Variants in RTN4IP1 observed in about 807,000 individuals in gnomAD.
The protein encoded by RTN4IP1 is NAD(P)H oxidoreductase RTN4IP1, mitochondrial.
RTN4IP1 carries 32 observed loss-of-function variants against 46.6 expected under a neutral mutation model. The ratio of observed to expected loss-of-function variants is 0.69; its 90% CI spans 0.52 to 0.92. The LOEUF (loss-of-function observed/expected upper bound fraction) is 0.92. RTN4IP1 is among the 40% of genes least tolerant of loss of function. RTN4IP1 has a pLI of 0.00. For missense variants in RTN4IP1, 424 were observed against 485.8 expected, an observed-to-expected ratio of 0.87 and a Z score of 1.20; for synonymous variants, 167 against 161.8, an observed-to-expected ratio of 1.03 and a Z score of -0.24.
At chr6:106,623,275 G>C (rs972200076) in intron 1 of RTN4IP1, among the ~76,000 whole-genome samples, 6 of 152,182 alleles carry the variant, frequency 3.9e-5, no homozygotes, top group Admixed American at 3.3e-4. Flanking sequence ...GATGGAACTG[G>C]GGGCCATTAT....
At chr6:106,585,142 A>G (rs1775453430) in intron 7 of RTN4IP1, among the ~76,000 whole-genome samples, 1 of 152,214 alleles carries the variant, frequency 6.6e-6, no homozygotes, top group African/African-American at 2.4e-5. Context: ...CTGTCATGGC[A>G]TGAAAGATGT....
At chr6:106,572,126 C>T (rs762069866) in intron 8 of RTN4IP1, 23 bp from the exon 9 acceptor site, 21 of 1,564,490 alleles carry the variant, frequency 1.3e-5, no homozygotes, top group African/African-American at 8.2e-5. Flanking sequence ...AGAGGTTGAC[C>T]GGTGGATAAA....
chr6:106,590,714 C>CAAAAAAAAAA (rs35293436), intron 6 of RTN4IP1, among the ~76,000 whole-genome samples: 4 of 68,510 alleles, frequency 5.8e-5, no homozygotes, highest in Non-Finnish European at 7.7e-5. Context: ...GAATCCATCT[C>CAAAAAAAAAA]AAAAAAAAAA....
chr6:106,612,256 G>A (rs922514777), intron 4 of RTN4IP1, among the ~76,000 whole-genome samples: 6 of 151,796 alleles, frequency 4.0e-5, no homozygotes, highest in Non-Finnish European at 5.9e-5. Flanking sequence ...GCATGGTGGC[G>A]GGCACCTATA....
intron 6 of RTN4IP1, 149 bp from the exon 7 acceptor site, chr6:106,588,011 C>T (rs978400416): frequency 3.2e-6 from 2 of 628,804 alleles, no homozygotes; most frequent in Admixed American, 3.1e-5. Flanking sequence ...AGAGGGGTGG[C>T]TGCTTTGATG....
Position 106,621,494 on chromosome 6 carries a change from C to G in RTN4IP1, c.427-1G>C. The G allele has an allele frequency of 6.2e-7, 1 of 1,613,350 alleles. No homozygotes were observed. Among genetic ancestry groups the G allele is most frequent in the South Asian group, 1.1e-5 (1 of 91,066 alleles). On this transcript the variant is annotated splice_acceptor_variant, in intron 2 of 8. Coordinates refer to ENST00000369063, the MANE Select transcript of RTN4IP1 (RefSeq NM_032730.5). LOFTEE classifies it high-confidence loss of function. ...TCCAAGGAGGAACTGCAGCCCAGAC[C>G]TGAAACACACACAGACAGACAGCTT...
chr6:106,617,023 G>A (rs924618218), intron 4 of RTN4IP1, among the ~76,000 whole-genome samples: 2 of 152,152 alleles, frequency 1.3e-5, no homozygotes, highest in Non-Finnish European at 2.9e-5. Flanking sequence ...AAGAGAGAGA[G>A]ACCCCAGAGA....
intron 3 of RTN4IP1, among the ~76,000 whole-genome samples, chr6:106,621,000 AT>A (rs1776471965): frequency 1.3e-5 from 2 of 152,122 alleles, no homozygotes; most frequent in Admixed American, 1.3e-4. Flanking sequence ...AATTTCCTCA[AT>A]GTTAACCCCT....
intron 4 of RTN4IP1, among the ~76,000 whole-genome samples, chr6:106,610,307 G>A (rs997245135): frequency 7.9e-5 from 12 of 152,044 alleles, no homozygotes; most frequent in East Asian, 5.8e-4. Context: ...CAGGCAATCC[G>A]CCCACCTCAG....
intron 1 of RTN4IP1, among the ~76,000 whole-genome samples, chr6:106,627,201 G>GTC (rs1776671100): frequency 6.7e-6 from 1 of 149,496 alleles, no homozygotes; most frequent in South Asian, 2.1e-4. Flanking sequence ...AAAAAACTAA[G>GTC]ATGTTTCAAG....
intron 6 of RTN4IP1, among the ~76,000 whole-genome samples, chr6:106,590,228 A>G (rs538745747): frequency 2.4e-4 from 36 of 152,210 alleles, no homozygotes; most frequent in Non-Finnish European, 4.9e-4. Flanking sequence ...GCTGAGGCAC[A>G]AGAATCACTT....
chr6:106,618,126 G>A (rs1288371915), intron 4 of RTN4IP1, among the ~76,000 whole-genome samples: 1 of 152,136 alleles, frequency 6.6e-6, no homozygotes, highest in African/African-American at 2.4e-5. Flanking sequence ...CTCACTAGAT[G>A]TATAGCTTTC....
At chr6:106,617,736 T>C (rs956091433) in intron 4 of RTN4IP1, among the ~76,000 whole-genome samples, 1 of 152,228 alleles carries the variant, frequency 6.6e-6, no homozygotes, top group East Asian at 1.9e-4. Flanking sequence ...AATTGTTTTT[T>C]ACAGTATATT....
At chr6:106,610,565 A>C (rs1776200188) in intron 4 of RTN4IP1, among the ~76,000 whole-genome samples, 1 of 152,188 alleles carries the variant, frequency 6.6e-6, no homozygotes, top group Admixed American at 6.5e-5. Context: ...TGTAATGGCC[A>C]CACTATATAT....
chr6:106,582,673 CA>C (rs1399626431), intron 8 of RTN4IP1, among the ~76,000 whole-genome samples: 2 of 152,152 alleles, frequency 1.3e-5, no homozygotes, highest in East Asian at 3.8e-4. Context: ...GATGGGATGT[CA>C]AGGTGGTTTA....
intron 1 of RTN4IP1, among the ~76,000 whole-genome samples, chr6:106,627,406 ATTTAAG>A (rs1776674867): frequency 6.6e-6 from 1 of 152,220 alleles, no homozygotes; most frequent in Non-Finnish European, 1.5e-5. Context: ...AATACTGCTA[ATTTAAG>A]TTTGTTATCT....
chr6:106,592,938 A>G (rs975509214), intron 5 of RTN4IP1, among the ~76,000 whole-genome samples: 10 of 152,086 alleles, frequency 6.6e-5, no homozygotes, highest in African/African-American at 2.2e-4. Flanking sequence ...TCAAAAAAAA[A>G]AAAGCCTCAA....
At chr6:106,581,713 CAG>C (rs1413528490) in intron 8 of RTN4IP1, among the ~76,000 whole-genome samples, 1 of 152,164 alleles carries the variant, frequency 6.6e-6, no homozygotes, top group East Asian at 1.9e-4. Context: ...TAGCCATTAC[CAG>C]TTATCTGCCA....
upstream of RTN4IP1, among the ~76,000 whole-genome samples, chr6:106,630,402 T>G (rs1776797663): frequency 6.6e-6 from 1 of 152,254 alleles, no homozygotes; most frequent in African/African-American, 2.4e-5. Flanking sequence ...ACAACTATTA[T>G]CTCATTTGCC....
Sources: gnomAD v4.1 joint callset for allele counts (sites outside exome capture counted in the v4.1 genomes callset) on GRCh38, gnomAD v4.1.1 for gene constraint, MANE v1.5 for transcripts, NCBI Gene and HGNC (gene_info 2026-07-23, HGNC 2026-07-21) for gene names.